The following WDR35 variants were observed in gnomAD, a reference collection of about 807,000 sequenced individuals.
The protein encoded by WDR35 is WD repeat domain 35.
In WDR35, 118 loss-of-function variants were observed where a neutral mutation model predicts 158.3. The ratio of observed to expected loss-of-function variants is 0.75; its 90% confidence interval spans 0.64 to 0.87. The LOEUF is 0.87. Among genes scored for constraint, WDR35 ranks in the 40% least tolerant of loss-of-function variants. The pLI, the probability that WDR35 is intolerant of heterozygous loss-of-function variation, is 0.00. For synonymous variants in WDR35, 448 were observed against 476.1 expected, an observed-to-expected ratio of 0.94 and a Z score of 0.77; for missense variants, 1,263 against 1,405.8, an observed-to-expected ratio of 0.90 and a Z score of 1.62.
intron 24 of WDR35, 63 bp from the exon 25 acceptor site, chr2:19,930,615 A>G (rs1199813446): frequency 6.2e-7 from 1 of 1,605,394 alleles, no homozygotes. Flanking sequence ...TCAACTCCCA[A>G]ATAACAACAG....
In WDR35 at chr2:19,934,346, C is replaced by A. The variant is rs971609804; in HGVS notation, c.2548-835G>T. On this transcript the variant is annotated intron_variant, in intron 21 of 26. Coordinates refer to ENST00000281405, the MANE Select transcript of WDR35 (RefSeq NM_020779.4). This position sits in a 1 kb window ranked among gnomAD's most constrained non-coding sequence, Gnocchi z 4.6. ...CATTCATAAGAAACCTCTCTCAATA[C>A]TCTGGTGCAATTTCTTAACATCTTT... Among the ~76,000 whole-genome samples, 2 of 152,080 alleles carry A rather than the reference C, an allele frequency of 1.3e-5. No homozygotes were observed. The highest frequency in any genetic ancestry group is 2.9e-5 in the Non-Finnish European group (2 of 68,004).
rs186647997 is a variant in WDR35, at chr2:19,989,155, A to G, written c.142+10T>C. ...TTTACTACCAAACATGTGGGCTTGC[A>G]TTCATTTACCTGTCTGCGTCTCTAA... is the stretch of plus-strand genomic sequence containing the variant. On this transcript the variant is annotated intron_variant, in intron 2 of 26. Transcript: ENST00000281405. 1.7e-4 allele frequency: 267 copies of G among 1,612,144 alleles called. No individual in the cohort carries two copies. In the African/African-American group the frequency reaches 3.1e-3, roughly 19 times the overall value.
Position 19,953,924 on chromosome 2 carries a change from G to T in WDR35, c.1310C>A (p.Ala437Glu). ...CACACGATATTGCCAGGTATAAAAT[G>T]CTTCTTTCGAGGCTGCTATCACATG... Reference protein sequence around the residue: ...KTHVIAASKEAFYTWQYRVAK... With the variant: ...KTHVIAASKEEFYTWQYRVAK... Residue 437 changes from alanine (A) to glutamate (E), a missense_variant, in exon 12 of 27, where the codon GCA (alanine) becomes GAA (glutamate). Coordinates refer to ENST00000281405, the MANE Select transcript of WDR35 (RefSeq NM_020779.4). The T allele has an allele frequency of 6.2e-7, 1 of 1,614,134 alleles. No homozygotes were observed. Among genetic ancestry groups the T allele is most frequent in the Non-Finnish European group, 8.5e-7 (1 of 1,180,000 alleles).
At chr2:19,948,703 A>G (rs547881466) in intron 13 of WDR35, among the ~76,000 whole-genome samples, 1 of 152,374 alleles carries the variant, frequency 6.6e-6, no homozygotes, top group South Asian at 2.1e-4. Context: ...GTGACATACT[A>G]TATGATTCTA....
At position 19,934,308 on chromosome 2, in the gene WDR35, C is replaced by T. The variant is rs1027571173; in HGVS notation, c.2548-797G>A. On this transcript the variant is annotated intron_variant, in intron 21 of 26. Coordinates refer to ENST00000281405, the MANE Select transcript of WDR35 (RefSeq NM_020779.4). This position sits in a 1 kb window ranked among gnomAD's most constrained non-coding sequence, Gnocchi z 4.6. ...TACAAAACATGAAAAAGTGAAATTA[C>T]TCATAATCTTATCATTCATAAGAAA... Among the ~76,000 whole-genome samples, 4 of 152,028 alleles carry T rather than the reference C, an allele frequency of 2.6e-5. No individual in the cohort carries two copies. Among genetic ancestry groups the T allele is most frequent in the African/African-American group, 9.7e-5 (4 of 41,386 alleles).
At chr2:19,963,893 G>A (rs975474949) in intron 10 of WDR35, among the ~76,000 whole-genome samples, 1 of 152,014 alleles carries the variant, frequency 6.6e-6, no homozygotes, top group East Asian at 1.9e-4. Context: ...ACAGGCACCC[G>A]CCACCACACC....
chr2:19,914,193 G>A lies in WDR35; in HGVS notation c.3206C>T (p.Ala1069Val). Residue 1069 changes from alanine (A) to valine (V), a missense_variant, in exon 26 of 27, where the codon GCC becomes GTC. Transcript: ENST00000281405. The stretch of plus-strand genomic sequence containing the variant: ...GAAAGCTTTTGAACAAGTCCCAAAG[G>A]CTCTGCTGGCGCATGCGCAGAGTGC... Reference protein sequence around the residue: ...LLALCACASRAFGTCSKAFIK... With the variant: ...LLALCACASRVFGTCSKAFIK... 6.2e-7 allele frequency: 1 copy of A among 1,614,196 alleles called. No individual in the cohort carries two copies. The highest frequency in any genetic ancestry group is 8.5e-7 in the Non-Finnish European group (1 of 1,180,012).
At chr2:19,931,125 C>A (rs1670511023) in intron 24 of WDR35, 144 bp downstream of exon 24, 2 of 966,730 alleles carry the variant, frequency 2.1e-6, no homozygotes, top group Non-Finnish European at 1.5e-6. Flanking sequence ...CTAAATCAGT[C>A]ATTCTTTTTC....
chr2:19,918,045 C>T (rs1466710377), intron 25 of WDR35, among the ~76,000 whole-genome samples: 1 of 152,142 alleles, frequency 6.6e-6, no homozygotes, highest in Non-Finnish European at 1.5e-5. Flanking sequence ...GCAGATCTCT[C>T]GGCAGAAACC....
intron 10 of WDR35, 72 bp from the exon 11 acceptor site, chr2:19,960,686 A>T (rs1671619907): frequency 1.8e-6 from 2 of 1,140,476 alleles, no homozygotes; most frequent in East Asian, 4.8e-5. Context: ...CTTAATATAT[A>T]TCATGCTTAT....
intron 10 of WDR35, chr2:19,962,373 G>C (rs752050439): frequency 3.7e-6 from 6 of 1,604,256 alleles, no homozygotes; most frequent in Non-Finnish European, 4.3e-6. Flanking sequence ...GAAAAATTCA[G>C]TTAACTCAAA....
At chr2:19,982,668 T>C (rs1672421996) in intron 2 of WDR35, 134 bp from the exon 3 acceptor site, 2 of 952,680 alleles carry the variant, frequency 2.1e-6, no homozygotes, top group South Asian at 1.6e-5. Flanking sequence ...ATTTTTCTCA[T>C]GGTATAAACA....
intron 2 of WDR35, among the ~76,000 whole-genome samples, chr2:19,985,914 A>G (rs1242628461): frequency 1.4e-4 from 13 of 95,022 alleles, no homozygotes; most frequent in African/African-American, 5.2e-4. Flanking sequence ...AAAAAAAAAA[A>G]AAAAAAAAAA....
chr2:19,916,974 G>A (rs1004835768), intron 25 of WDR35, among the ~76,000 whole-genome samples: 1 of 152,156 alleles, frequency 6.6e-6, no homozygotes, highest in African/African-American at 2.4e-5. Flanking sequence ...TGTAGGGGCC[G>A]ACAGAGACCA....
At chr2:19,926,508 A>C (rs933886827) in intron 25 of WDR35, among the ~76,000 whole-genome samples, 2 of 152,286 alleles carry the variant, frequency 1.3e-5, no homozygotes, top group Non-Finnish European at 2.9e-5. Context: ...CATTCTACAC[A>C]GTTAATTGAA....
rs1407593014 is a variant in WDR35 at position 19,974,591 on chromosome 2, T to C, written c.613A>G (p.Ile205Val). 2.5e-6 allele frequency: 4 copies of C among 1,613,786 alleles called. No homozygotes were observed. Among genetic ancestry groups the C allele is most frequent in the Non-Finnish European group, 2.5e-6 (3 of 1,179,862 alleles). Residue 205 changes from isoleucine to valine, a missense_variant, in exon 7 of 27, where the codon ATC becomes GTC. Ile to Val is a conservative substitution (Grantham distance 29, BLOSUM62 3). Coordinates refer to ENST00000281405, the MANE Select transcript of WDR35 (RefSeq NM_020779.4). ...TACCAATGAATTCCAGCAATGCTGA[T>C]AGCTCCAGTGACATTCACCAAACAA... ...LSCLVNVTGA[I>V]SIAGIHWYHG...
At chr2:19,957,871 G>A (rs1219286563) in intron 11 of WDR35, among the ~76,000 whole-genome samples, 1 of 152,142 alleles carries the variant, frequency 6.6e-6, no homozygotes, top group Non-Finnish European at 1.5e-5. Flanking sequence ...AAGTTTTTAA[G>A]AAAATAATTA....
intron 25 of WDR35, among the ~76,000 whole-genome samples, chr2:19,922,622 C>T (rs187660153): frequency 3.3e-5 from 5 of 151,986 alleles, no homozygotes; most frequent in Admixed American, 1.3e-4. Context: ...ATGTAGATGA[C>T]GGGTTGATGG....
chr2:19,935,073 TAATAA>T (rs1167355973), intron 21 of WDR35: 2 of 154,260 alleles, frequency 1.3e-5, no homozygotes, highest in African/African-American at 4.8e-5. Flanking sequence ...TAATATAACA[TAATAA>T]AAGTTGAGCT....
Sources: allele counts gnomAD v4.1 joint callset (sites outside exome capture counted in the v4.1 genomes callset), GRCh38; gene constraint gnomAD v4.1.1; non-coding constraint Gnocchi (gnomAD v3.1); transcripts MANE v1.5; gene names NCBI Gene and HGNC (gene_info 2026-07-23, HGNC 2026-07-21).